CHD6: variants seen among roughly 807,000 people sequenced by gnomAD.
The protein encoded by CHD6 is ATP-dependent chromatin remodeler CHD6.
A neutral mutation model predicts 276.9 loss-of-function variants in CHD6; 50 were observed. That is an observed-to-expected ratio of 0.18 (90% CI 0.14 to 0.23). CHD6 has a LOEUF of 0.23. Among genes scored for constraint, CHD6 ranks in the 10% least tolerant of loss-of-function variants. The probability of loss-of-function intolerance (pLI) is 1.00; values close to 1 mark genes in which losing one functional copy is unlikely to be tolerated. For missense variants in CHD6, 2,564 were observed against 3,365.8 expected, an observed-to-expected ratio of 0.76 and a Z score of 5.89; for synonymous variants, 1,173 against 1,229.3, an observed-to-expected ratio of 0.95 and a Z score of 0.96.
intron 1 of CHD6, among the ~76,000 whole-genome samples, chr20:41,589,046 T>C (rs1191795337): frequency 6.6e-6 from 1 of 152,186 alleles, no homozygotes; most frequent in Non-Finnish European, 1.5e-5. Context: ...ATCCCTGGGA[T>C]GCAAGGCTGG....
In CHD6 at chr20:41,429,114, G is replaced by A. The variant is rs187314200; in HGVS notation, c.4069-2961C>T. Among the ~76,000 whole-genome samples the A allele has an allele frequency of 3.3e-5, 5 of 152,256 alleles. No homozygotes were observed. The East Asian group carries it at 5.8e-4, about 18-fold the overall frequency. On this transcript the variant is annotated intron_variant, in intron 27 of 36. Coordinates refer to ENST00000373233, the MANE Select transcript of CHD6 (RefSeq NM_032221.5). Reference sequence around the variant, plus strand: ...CACCTGAGATGTCACAGCCACCTACGGTAGGAACTGTGGCACAGCACGGAC... The same window carrying A: ...CACCTGAGATGTCACAGCCACCTACAGTAGGAACTGTGGCACAGCACGGAC...
chr20:41,596,403 A>C (rs2045717749), intron 1 of CHD6, among the ~76,000 whole-genome samples: 1 of 152,182 alleles, frequency 6.6e-6, no homozygotes, highest in Non-Finnish European at 1.5e-5. Context: ...TTTTAGGACC[A>C]CAAGTATACA....
intron 17 of CHD6, among the ~76,000 whole-genome samples, chr20:41,457,872 C>A (rs6029690): frequency 0.32 from 49,124 of 152,058 alleles, 8,364 homozygotes; most frequent in African/African-American, 0.42. Context: ...CTCTTACGGA[C>A]AATCTCGTTT....
chr20:41,447,938 T>G lies in CHD6; in HGVS notation c.3717A>C (p.Leu1239=). 1 of 1,612,266 alleles carries G rather than the reference T, an allele frequency of 6.2e-7. No individual in the cohort carries two copies. Among genetic ancestry groups the G allele is most frequent in the East Asian group, 2.2e-5 (1 of 44,768 alleles). ...VLLRVRMLYY[L]KAEILGEAAE... is the part of the protein sequence containing the mutation. ...CTGCTTCTCCCAGTATTTCAGCTTTTAGGTAGTACAGCATCCGGACTCGCA... is the reference window on the plus strand; with the variant it reads ...CTGCTTCTCCCAGTATTTCAGCTTTGAGGTAGTACAGCATCCGGACTCGCA... Residue 1239 remains leucine, a synonymous_variant, in exon 24 of 37, where the codon CTA becomes CTC. Coordinates refer to ENST00000373233, the MANE Select transcript of CHD6 (RefSeq NM_032221.5).
intron 1 of CHD6, among the ~76,000 whole-genome samples, chr20:41,583,525 C>T (rs2045562228): frequency 6.6e-6 from 1 of 151,918 alleles, no homozygotes; most frequent in Non-Finnish European, 1.5e-5. Context: ...AAATGGTAAA[C>T]GAAGTTCTTT....
At chr20:41,447,595 A>G (rs775268599) in intron 24 of CHD6, among the ~76,000 whole-genome samples, 1 of 152,360 alleles carries the variant, frequency 6.6e-6, no homozygotes, top group African/African-American at 2.4e-5. Context: ...TCTACAGTAA[A>G]TGACTGTTTT....
intron 17 of CHD6, among the ~76,000 whole-genome samples, chr20:41,458,639 T>C (rs561776066): frequency 6.6e-6 from 1 of 152,326 alleles, no homozygotes; most frequent in South Asian, 2.1e-4. Flanking sequence ...TGTGTACATT[T>C]ATGTTTGTAT....
At chr20:41,480,722 A>G (rs1172974081) in intron 16 of CHD6, among the ~76,000 whole-genome samples, 2 of 152,172 alleles carry the variant, frequency 1.3e-5, no homozygotes, top group Non-Finnish European at 2.9e-5. Flanking sequence ...ACCAAAAGAA[A>G]TAGCATAAAG....
intron 1 of CHD6, among the ~76,000 whole-genome samples, chr20:41,601,640 T>C (rs1051695895): frequency 1.3e-5 from 2 of 152,208 alleles, no homozygotes; most frequent in South Asian, 4.1e-4. Context: ...GGATCTTCAA[T>C]GCCCTGCATT....
intron 25 of CHD6, among the ~76,000 whole-genome samples, chr20:41,440,424 G>A (rs1293074428): frequency 1.3e-5 from 2 of 152,158 alleles, no homozygotes; most frequent in African/African-American, 4.8e-5. Flanking sequence ...AGCTGGTTTT[G>A]CAACTTCTTC....
At chr20:41,536,679 CAA>C (rs1217736980) in intron 2 of CHD6, among the ~76,000 whole-genome samples, 1 of 152,124 alleles carries the variant, frequency 6.6e-6, no homozygotes, top group African/African-American at 2.4e-5. Flanking sequence ...ACTCAGGCAA[CAA>C]AAACCATTAA....
At chr20:41,482,248 G>A (rs2043312347) in intron 16 of CHD6, among the ~76,000 whole-genome samples, 2 of 152,074 alleles carry the variant, frequency 1.3e-5, no homozygotes, top group Non-Finnish European at 2.9e-5. Flanking sequence ...CTAATCTATA[G>A]TGAATTGAAA....
chr20:41,500,695 A>T (rs1019738791), intron 5 of CHD6, among the ~76,000 whole-genome samples: 4 of 152,140 alleles, frequency 2.6e-5, no homozygotes, highest in African/African-American at 9.7e-5. Flanking sequence ...TTCACTGTTT[A>T]TTGCTGTCTT....
rs1022333453 is a variant in CHD6 at position 41,491,943 on chromosome 20, C to T, written c.1315-124G>A. 42 of 1,029,876 alleles carry T rather than the reference C, an allele frequency of 4.1e-5. No individual in the cohort carries two copies. In the African/African-American group the frequency reaches 5.5e-4, roughly 14 times the overall value. The allele number at this position is 1,029,876 out of a possible 1,614,324, so 63.8% of individuals were successfully genotyped here. ...GCTGGTTTCAAACTATAGTTATTAC[C>T]TTCTGAGTAACGTATAGGTTGGGGG... is the stretch of plus-strand genomic sequence containing the variant. On this transcript the variant is annotated intron_variant, in intron 10 of 36. Coordinates refer to ENST00000373233, the MANE Select transcript of CHD6 (RefSeq NM_032221.5).
At chr20:41,599,997 TTGTGATCAG>T (rs1489112488) in intron 1 of CHD6, among the ~76,000 whole-genome samples, 2 of 152,230 alleles carry the variant, frequency 1.3e-5, no homozygotes, top group African/African-American at 2.4e-5. Context: ...CAGTGTGCTC[TTGTGATCAG>T]ACAGGTGCAG....
At chr20:41,606,951 G>A (rs1224842736) in intron 1 of CHD6, among the ~76,000 whole-genome samples, 1 of 152,096 alleles carries the variant, frequency 6.6e-6, no homozygotes, top group East Asian at 1.9e-4. Context: ...CTGGAGTATA[G>A]AGTACAAACC....
intron 1 of CHD6, among the ~76,000 whole-genome samples, chr20:41,551,715 C>T (rs1455977287): frequency 6.6e-6 from 1 of 152,006 alleles, no homozygotes; most frequent in African/African-American, 2.4e-5. Context: ...TAAGGTAAGC[C>T]CTCATCCCTT....
At chr20:41,540,029 T>C (rs575991315) in intron 2 of CHD6, among the ~76,000 whole-genome samples, 19 of 152,348 alleles carry the variant, frequency 1.2e-4, no homozygotes, top group South Asian at 2.1e-4. Context: ...AGACCAAATG[T>C]TAACCATCAT....
intron 3 of CHD6, 124 bp downstream of exon 3, chr20:41,532,926 A>G: frequency 9.3e-7 from 1 of 1,074,630 alleles, no homozygotes; most frequent in South Asian, 1.7e-5. Flanking sequence ...TATACAGGTG[A>G]GATGTGAAGC....
Sources: gnomAD v4.1 joint callset for allele counts (sites outside exome capture counted in the v4.1 genomes callset) on GRCh38, gnomAD v4.1.1 for gene constraint, MANE v1.5 for transcripts, NCBI Gene and HGNC (gene_info 2026-07-23, HGNC 2026-07-21) for gene names.